TASP1: variants seen among roughly 807,000 people sequenced by gnomAD.
TASP1 encodes the protein threonine aspartase 1.
In TASP1, 16 loss-of-function variants were observed where a neutral mutation model predicts 56.6. That is an observed-to-expected ratio of 0.28 (90% CI 0.19 to 0.43). The LOEUF (loss-of-function observed/expected upper bound fraction) is 0.43, where lower values mean the gene tolerates loss of function less well. Among genes scored for constraint, TASP1 ranks in the 20% least tolerant of loss-of-function variants. TASP1 has a pLI of 1.00. For synonymous variants in TASP1, 179 were observed against 184.2 expected (o/e 0.97, Z 0.23); for missense variants, 393 against 511.6 (o/e 0.77, Z 2.24).
At chr20:13,513,806 T>C (rs2044427266) in intron 10 of TASP1, among the ~76,000 whole-genome samples, 1 of 152,120 alleles carries the variant, frequency 6.6e-6, no homozygotes, top group Admixed American at 6.6e-5. Context: ...ACATTGCTTA[T>C]GCTTATTCCA....
the TASP1 span, among the ~76,000 whole-genome samples, chr20:13,375,155 A>G: frequency 1.3e-5 from 2 of 152,102 alleles, no homozygotes; most frequent in Admixed American, 6.5e-5. Flanking sequence ...ACATAGGTAT[A>G]TATGTGCCAT....
intron 4 of TASP1, among the ~76,000 whole-genome samples, chr20:13,613,047 A>G (rs1651570480): frequency 6.6e-6 from 1 of 152,168 alleles, no homozygotes; most frequent in South Asian, 2.1e-4. Flanking sequence ...AAAGAAGGTA[A>G]AACTATGGCA....
At chr20:13,357,577 A>G in the TASP1 span, among the ~76,000 whole-genome samples, 4 of 152,198 alleles carry the variant, frequency 2.6e-5, no homozygotes, top group South Asian at 8.3e-4. Context: ...ACTCTGCAAA[A>G]AAGTCTGGAG....
chr20:13,478,982 A>G (rs192415778), intron 11 of TASP1, among the ~76,000 whole-genome samples: 2 of 152,284 alleles, frequency 1.3e-5, no homozygotes, highest in East Asian at 3.9e-4. Flanking sequence ...CTGATATATT[A>G]AGAGCATTAA....
chr20:13,515,847 T>A (rs1261111427), intron 10 of TASP1, among the ~76,000 whole-genome samples: 1 of 152,100 alleles, frequency 6.6e-6, no homozygotes, highest in Admixed American at 6.6e-5. Context: ...CAACAAATTA[T>A]CAATTTACAA....
chr20:13,238,584 A>T, the TASP1 span, among the ~76,000 whole-genome samples: 1 of 152,226 alleles, frequency 6.6e-6, no homozygotes, highest in South Asian at 2.1e-4. Context: ...CTAGAACTCA[A>T]CTAGAAAACA....
intron 10 of TASP1, among the ~76,000 whole-genome samples, chr20:13,515,987 G>A (rs1489815876): frequency 1.3e-5 from 2 of 152,052 alleles, no homozygotes; most frequent in Non-Finnish European, 2.9e-5. Context: ...TTAAACATTC[G>A]TATGCTCAAC....
the TASP1 span, among the ~76,000 whole-genome samples, chr20:13,222,257 T>C: frequency 6.6e-6 from 1 of 152,072 alleles, no homozygotes; most frequent in East Asian, 1.9e-4. Flanking sequence ...TACCAGTCTT[T>C]CGTTGCCCTT....
At chr20:13,236,817 C>T in the TASP1 span, among the ~76,000 whole-genome samples, 1 of 152,248 alleles carries the variant, frequency 6.6e-6, no homozygotes, top group Non-Finnish European at 1.5e-5. Context: ...GGTCTCACAT[C>T]AAGGTGACAC....
the TASP1 span, among the ~76,000 whole-genome samples, chr20:13,326,771 G>A: frequency 6.6e-6 from 1 of 152,050 alleles, no homozygotes; most frequent in East Asian, 1.9e-4. Context: ...ACCCCTTCAT[G>A]TTAAAAACTC....
the TASP1 span, among the ~76,000 whole-genome samples, chr20:13,302,428 G>A: frequency 2.6e-5 from 4 of 152,276 alleles, no homozygotes; most frequent in African/African-American, 9.6e-5. Context: ...GGGCCAATGA[G>A]TGATCTTCGG....
the TASP1 span, among the ~76,000 whole-genome samples, chr20:13,139,146 T>C: frequency 6.6e-5 from 10 of 152,218 alleles, no homozygotes; most frequent in Non-Finnish European, 1.3e-4. Flanking sequence ...TAGGATGTTT[T>C]TCAATCAAGA....
the TASP1 span, among the ~76,000 whole-genome samples, chr20:13,349,207 C>T: frequency 6.6e-6 from 1 of 152,164 alleles, no homozygotes; most frequent in African/African-American, 2.4e-5. Context: ...GACTGATGCT[C>T]TCCATTCCAG....
At chr20:13,193,533 T>A in the TASP1 span, among the ~76,000 whole-genome samples, 1 of 152,196 alleles carries the variant, frequency 6.6e-6, no homozygotes, top group Non-Finnish European at 1.5e-5. Flanking sequence ...TTCAAAGAGT[T>A]GTTAAGGTAG....
chr20:13,365,958 C>G, the TASP1 span, among the ~76,000 whole-genome samples: 1 of 152,016 alleles, frequency 6.6e-6, no homozygotes, highest in African/African-American at 2.4e-5. Flanking sequence ...CTGAGGAAGA[C>G]AGAGATTCAG....
At chr20:13,608,703 G>T (rs763972984) in intron 4 of TASP1, among the ~76,000 whole-genome samples, 18 of 152,156 alleles carry the variant, frequency 1.2e-4, no homozygotes, top group Non-Finnish European at 2.5e-4. Context: ...ATCATTCTTA[G>T]TTTGCAGGCC....
chr20:13,630,430 T>C (rs1011994495), intron 1 of TASP1, among the ~76,000 whole-genome samples: 34 of 152,222 alleles, frequency 2.2e-4, no homozygotes, highest in African/African-American at 7.9e-4. Flanking sequence ...GGCTTACACC[T>C]GTAATCCCAG....
At chr20:13,637,019 T>G (rs953828864) in intron 1 of TASP1, among the ~76,000 whole-genome samples, 2 of 152,224 alleles carry the variant, frequency 1.3e-5, no homozygotes, top group Admixed American at 6.5e-5. Flanking sequence ...GAAAGGGACT[T>G]ACATTTAGAA....
At chr20:13,293,072 C>A in the TASP1 span, among the ~76,000 whole-genome samples, 2 of 151,798 alleles carry the variant, frequency 1.3e-5, no homozygotes, top group African/African-American at 4.8e-5. Flanking sequence ...TGGTGGCAGG[C>A]GCCTGTAGTC....
Sources: gnomAD v4.1 joint callset for allele counts (sites outside exome capture counted in the v4.1 genomes callset) on GRCh38, gnomAD v4.1.1 for gene constraint, MANE v1.5 for transcripts, NCBI Gene and HGNC (gene_info 2026-07-23, HGNC 2026-07-21) for gene names.